FBXO7: variants seen among roughly 807,000 people sequenced by gnomAD.
The protein encoded by FBXO7 is F-box only protein 7.
FBXO7 carries 31 observed loss-of-function variants against 50.2 expected under a neutral mutation model. The observed-to-expected ratio is 0.62, with a 90% CI of 0.46 to 0.83. The LOEUF (loss-of-function observed/expected upper bound fraction) is 0.83. Among genes scored for constraint, FBXO7 ranks in the 40% least tolerant of loss-of-function variants. The probability of loss-of-function intolerance (pLI) is 0.00; values close to 1 mark genes in which losing one functional copy is unlikely to be tolerated. For synonymous variants in FBXO7, 256 were observed against 253.1 expected (o/e 1.01, Z -0.11); for missense variants, 667 against 646.6 (o/e 1.03, Z -0.34).
In FBXO7 at chr22:32,483,943, C is replaced by A. The variant is rs61730784; in HGVS notation, c.464C>A (p.Ala155Glu). The change falls in exon 3 of 9, where the codon GCG becomes GAG. Residue 155 changes from alanine to glutamate, a missense_variant. Ala to Glu is a moderately radical substitution (Grantham distance 107). Transcript: ENST00000266087. ...NFEAESIQDN[A>E]HMAEGTGFYP... ...GAAGCTGAGTCAATTCAAGATAATGCGCATATGGCAGAGGGCACAGGTTTC... is the reference window on the plus strand; with the variant it reads ...GAAGCTGAGTCAATTCAAGATAATGAGCATATGGCAGAGGGCACAGGTTTC... 1.2e-5 allele frequency: 20 copies of A among 1,614,090 alleles called. No homozygotes were observed. The highest frequency in any genetic ancestry group is 1.7e-5 in the Non-Finnish European group (20 of 1,179,990).
chr22:32,498,596 TTGGGG>T lies in FBXO7; in HGVS notation c.*69_*73del. 6.5e-7 allele frequency: 1 copy of T among 1,532,752 alleles called. No homozygotes were observed. Among genetic ancestry groups the T allele is most frequent in the Non-Finnish European group, 8.8e-7 (1 of 1,132,254 alleles). The allele number at this position is 1,532,752 out of a possible 1,614,324, so 94.9% of individuals were successfully genotyped here. On this transcript the variant is annotated 3_prime_UTR_variant, in exon 9 of 9. Transcript: ENST00000266087. ...TTTCTAAACTACAGATGTCAACTCC[TTGGGG>T]TGCTGATCTCGAGTGTTATTTTCTG...
chr22:32,488,584 G>A (rs1341405894), intron 5 of FBXO7: 1 of 152,256 alleles, frequency 6.6e-6, no homozygotes, highest in East Asian at 1.9e-4. Flanking sequence ...TAGTGGGAAT[G>A]TTGTGGTACA....
chr22:32,487,156 A>G (rs1228373958), intron 4 of FBXO7: 1 of 152,472 alleles, frequency 6.6e-6, no homozygotes, highest in East Asian at 1.9e-4. Context: ...GTGTGTCTTT[A>G]AATCTTTCCT....
At chr22:32,497,466 A>G (rs2057582732) in intron 8 of FBXO7, among the ~76,000 whole-genome samples, 1 of 152,216 alleles carries the variant, frequency 6.6e-6, no homozygotes, top group African/African-American at 2.4e-5. Context: ...AAAAGACATT[A>G]TTTCATTCCT....
chr22:32,493,186 G>C lies in FBXO7; in HGVS notation c.1049G>C (p.Arg350Pro). The C allele has an allele frequency of 6.2e-7, 1 of 1,614,072 alleles. No individual in the cohort carries two copies. The highest frequency in any genetic ancestry group is 1.1e-5 in the South Asian group (1 of 91,074). The stretch of plus-strand genomic sequence containing the variant: ...CGGATCTTCCGACTTCTGGATGTTC[G>C]TTCCGTCTTGTCTTTGTCTGCGGTT... ...KLRIFRLLDV[R>P]SVLSLSAVCR... The change falls in exon 7 of 9, where the codon CGT (arginine) becomes CCT (proline). Residue 350 changes from arginine (R) to proline (P), a missense_variant. By Grantham distance (103) the Arg-to-Pro change is moderately radical. Transcript: ENST00000266087.
At chr22:32,488,067 TATGAG>T (rs1157224365) in intron 5 of FBXO7, 6 of 441,698 alleles carry the variant, frequency 1.4e-5, no homozygotes, top group Middle Eastern at 6.8e-4. Flanking sequence ...ATTATATTGT[TATGAG>T]ATAACACTAG....
At chr22:32,489,999 C>G (rs2057523779) in intron 5 of FBXO7, 1 of 152,204 alleles carries the variant, frequency 6.6e-6, no homozygotes, top group Non-Finnish European at 1.5e-5. Context: ...AGAATGATAT[C>G]TTGACAGCAA....
At chr22:32,475,526 T>C in intron 1 of FBXO7, 1 of 1,133,916 alleles carries the variant, frequency 8.8e-7, no homozygotes, top group Non-Finnish European at 1.2e-6. Context: ...TTCTGGACTG[T>C]GAGGGGTCCG....
intron 2 of FBXO7, among the ~76,000 whole-genome samples, chr22:32,482,066 G>A (rs747903974): frequency 6.6e-6 from 1 of 151,940 alleles, no homozygotes; most frequent in Non-Finnish European, 1.5e-5. Flanking sequence ...CATATATTCT[G>A]TCCCACACAA....
Position 32,498,250 on chromosome 22 carries a change from A to G in FBXO7, c.1289A>G (p.His430Arg), listed in dbSNP as rs1462674767. The part of the protein sequence containing the change: ...HTIPFYPNPL[H>R]PRPFPSSRLP... ...ATTCCATTCTATCCCAACCCCTTGC[A>G]CCCTAGGCCATTTCCTAGCTCCCGC... The change falls in exon 9 of 9, where the codon CAC becomes CGC. Residue 430 changes from histidine (H) to arginine (R), a missense_variant. Transcript: ENST00000266087. The G allele has an allele frequency of 1.9e-6, 3 of 1,613,990 alleles. No individual in the cohort carries two copies. In the Admixed American group the frequency reaches 5.0e-5, roughly 27 times the overall value.
At chr22:32,481,078 A>G (rs1258076090) in intron 2 of FBXO7, among the ~76,000 whole-genome samples, 4 of 152,172 alleles carry the variant, frequency 2.6e-5, no homozygotes, top group African/African-American at 7.2e-5. Context: ...TATCACCTCA[A>G]TTTAATTGCT....
intron 1 of FBXO7, among the ~76,000 whole-genome samples, chr22:32,478,675 G>A (rs1459402769): frequency 2.6e-5 from 4 of 152,096 alleles, no homozygotes; most frequent in East Asian, 1.9e-4. Flanking sequence ...AGCTGTGATT[G>A]TGCCACTTCA....
intron 8 of FBXO7, 93 bp downstream of exon 8, chr22:32,495,623 G>A (rs534062996): frequency 1.7e-6 from 1 of 598,486 alleles, no homozygotes; most frequent in South Asian, 3.6e-5. Context: ...TTTATATGAT[G>A]TAGTGAAATC....
chr22:32,484,132 C>T lies in FBXO7; in HGVS notation c.645+8C>T. 1.9e-6 allele frequency: 3 copies of T among 1,602,634 alleles called. No individual in the cohort carries two copies. The highest frequency in any genetic ancestry group is 1.7e-6 in the Non-Finnish European group (2 of 1,169,374). ...TCAGGTTACATACCTCAGGTAAGTA[C>T]TGCAAGCAAAACACAGACATCTTAT... is the stretch of plus-strand genomic sequence containing the variant. On this transcript the variant is annotated splice_region_variant and intron_variant, in intron 3 of 8. Coordinates refer to ENST00000266087, the MANE Select transcript of FBXO7 (RefSeq NM_012179.4).
In FBXO7 at chr22:32,475,347, C is replaced by G. The variant is rs749809748; in HGVS notation, c.122+223C>G. The G allele has an allele frequency of 3.7e-6, 6 of 1,608,268 alleles. No homozygotes were observed. The South Asian group carries it at 6.6e-5, about 18-fold the overall frequency. ...GAAGCGCGGGTGGTCGGCTGGGGTC[C>G]GGCTCCTGGAGAACATGGCCCGGCC... On this transcript the variant is annotated intron_variant, in intron 1 of 8. Transcript: ENST00000266087.
chr22:32,475,546 C>A, intron 1 of FBXO7: 2 of 989,604 alleles, frequency 2.0e-6, no homozygotes, highest in South Asian at 1.9e-5. Flanking sequence ...GAGTTAATTT[C>A]TTCAGCTGTT....
At chr22:32,476,934 G>A (rs1485248439) in intron 1 of FBXO7, among the ~76,000 whole-genome samples, 2 of 152,122 alleles carry the variant, frequency 1.3e-5, no homozygotes, top group Non-Finnish European at 1.5e-5. Context: ...TATTTATTAA[G>A]CGGACCATGA....
chr22:32,474,923 TG>T lies in FBXO7; in HGVS notation c.-76del. On this transcript the variant is annotated 5_prime_UTR_variant, in exon 1 of 9. Transcript: ENST00000266087. ...TCGCCAGTCCGGGGTCGTCGCCGTTTGGGGCGGGAGCTGCTCGGCCCCGCCG... is the reference window on the plus strand; with the variant it reads ...TCGCCAGTCCGGGGTCGTCGCCGTTTGGGCGGGAGCTGCTCGGCCCCGCCG... 1 of 1,388,596 alleles carries T rather than the reference TG, an allele frequency of 7.2e-7. No homozygotes were observed. The highest frequency in any genetic ancestry group is 9.5e-7 in the Non-Finnish European group (1 of 1,048,574). 86.0% of individuals were successfully genotyped at this position (1,388,596 alleles called of 1,614,324 possible).
At chr22:32,491,048 G>T (rs1272829623) in intron 5 of FBXO7, 38 bp from the exon 6 acceptor site, 2 of 1,453,872 alleles carry the variant, frequency 1.4e-6, no homozygotes, top group Admixed American at 1.7e-5. Context: ...TTTTTCACTT[G>T]ATTTTGGGTT....
Sources: gnomAD v4.1 joint callset for allele counts (sites outside exome capture counted in the v4.1 genomes callset) on GRCh38, gnomAD v4.1.1 for gene constraint, MANE v1.5 for transcripts, NCBI Gene and HGNC (gene_info 2026-07-23, HGNC 2026-07-21) for gene names.